The following MCMDC2 variants were observed in gnomAD, a reference collection of about 807,000 sequenced individuals.
MCMDC2 encodes the protein minichromosome maintenance domain containing 2.
A neutral mutation model predicts 75.8 loss-of-function variants in MCMDC2; 54 were observed. The ratio of observed to expected loss-of-function variants is 0.71; its 90% CI spans 0.57 to 0.89. The LOEUF (loss-of-function observed/expected upper bound fraction) is 0.89. Ranked by LOEUF, MCMDC2 falls within the 40% of genes least tolerant of loss-of-function variation. The probability of loss-of-function intolerance (pLI) is 0.00; values close to 1 mark genes in which losing one functional copy is unlikely to be tolerated. For missense variants in MCMDC2, 656 were observed against 780.4 expected (o/e 0.84, Z 1.90); for synonymous variants, 249 against 274.6 (o/e 0.91, Z 0.92).
Position 66,919,806 on chromosome 8 carries a change from C to T in MCMDC2, c.*637C>T, listed in dbSNP as rs988097129. On this transcript the variant is annotated 3_prime_UTR_variant, in exon 15 of 15. Transcript: ENST00000422365. Reference sequence around the variant, plus strand: ...AATACTTTACACGGAAACAAGGAGCCAATAACTTATAAATTGGCTCTCTAA... The same window carrying T: ...AATACTTTACACGGAAACAAGGAGCTAATAACTTATAAATTGGCTCTCTAA... 6.6e-6 allele frequency: 1 copy of T among 152,118 alleles called. No homozygotes were observed. The highest frequency in any genetic ancestry group is 1.5e-5 in the Non-Finnish European group (1 of 68,026). The allele number at this position is 152,118 out of a possible 1,614,324, so 9.4% of individuals were successfully genotyped here.
intron 9 of MCMDC2, among the ~76,000 whole-genome samples, chr8:66,888,614 A>G (rs1165601320): frequency 1.3e-5 from 2 of 152,206 alleles, no homozygotes; most frequent in African/African-American, 4.8e-5. Flanking sequence ...AATATTTGAT[A>G]TTTTTGATGC....
chr8:66,891,098 C>T (rs919224748), intron 10 of MCMDC2, 28 bp downstream of exon 10: 9 of 1,559,138 alleles, frequency 5.8e-6, no homozygotes, highest in East Asian at 2.3e-5. Context: ...AATTAATTTT[C>T]ACCCGTTTAA....
chr8:66,887,626 A>G (rs1811906950), intron 9 of MCMDC2, among the ~76,000 whole-genome samples: 2 of 152,156 alleles, frequency 1.3e-5, no homozygotes, highest in Admixed American at 6.5e-5. Flanking sequence ...TTCTAGAAGC[A>G]TTATAGTTTT....
chr8:66,877,341 C>G lies in MCMDC2; in HGVS notation c.286-8C>G. 1 of 1,565,618 alleles carries G rather than the reference C, an allele frequency of 6.4e-7. No homozygotes were observed. Among genetic ancestry groups the G allele is most frequent in the Non-Finnish European group, 8.7e-7 (1 of 1,149,384 alleles). On this transcript the variant is annotated splice_polypyrimidine_tract_variant and splice_region_variant and intron_variant, in intron 4 of 14. Transcript: ENST00000422365. ...TTTTCATTAATACCATTTTTATGTT[C>G]TTATTAGATTAATATAGTGCTGAAA... is the stretch of plus-strand genomic sequence containing the variant.
intron 9 of MCMDC2, among the ~76,000 whole-genome samples, chr8:66,890,347 T>C (rs2130821828): frequency 6.6e-6 from 1 of 152,284 alleles, no homozygotes; most frequent in South Asian, 2.1e-4. Context: ...ATTACAGTTG[T>C]AAGCCATTAC....
At chr8:66,903,750 G>A (rs928420373) in intron 13 of MCMDC2, among the ~76,000 whole-genome samples, 1 of 152,126 alleles carries the variant, frequency 6.6e-6, no homozygotes, top group African/African-American at 2.4e-5. Flanking sequence ...CTTTTCTAGA[G>A]AAGTGGAGCT....
chr8:66,893,156 C>G (rs1812191892), intron 10 of MCMDC2, among the ~76,000 whole-genome samples: 1 of 152,134 alleles, frequency 6.6e-6, no homozygotes, highest in South Asian at 2.1e-4. Context: ...TCTTGGCATA[C>G]CAGCATGAAT....
At chr8:66,873,302 A>G (rs1811113151) in intron 1 of MCMDC2, among the ~76,000 whole-genome samples, 1 of 152,174 alleles carries the variant, frequency 6.6e-6, no homozygotes, top group African/African-American at 2.4e-5. Flanking sequence ...ATAGATACTG[A>G]GCCAAGAGAG....
intron 9 of MCMDC2, among the ~76,000 whole-genome samples, chr8:66,885,187 G>C (rs556707309): frequency 6.6e-6 from 1 of 151,950 alleles, no homozygotes; most frequent in Admixed American, 6.6e-5. Context: ...CAAAAAATTA[G>C]CCAGGTGTGG....
chr8:66,916,763 G>T (rs1476347614), intron 14 of MCMDC2, among the ~76,000 whole-genome samples: 4 of 152,308 alleles, frequency 2.6e-5, no homozygotes, highest in Non-Finnish European at 4.4e-5. Context: ...ATAGGAGGTA[G>T]AGTAGGGGAG....
chr8:66,902,311 A>G (rs1812702464), intron 13 of MCMDC2, among the ~76,000 whole-genome samples: 1 of 151,822 alleles, frequency 6.6e-6, no homozygotes, highest in Non-Finnish European at 1.5e-5. Flanking sequence ...GGATTGCTTG[A>G]GCCCATCAAG....
At chr8:66,890,037 A>G (rs1216805111) in intron 9 of MCMDC2, among the ~76,000 whole-genome samples, 1 of 152,182 alleles carries the variant, frequency 6.6e-6, no homozygotes, top group Non-Finnish European at 1.5e-5. Flanking sequence ...ACTCCCTTCC[A>G]GGAAGAAATA....
Position 66,879,320 on chromosome 8 carries a change from C to T in MCMDC2, c.709+401C>T, listed in dbSNP as rs1220525605. On this transcript the variant is annotated intron_variant, in intron 7 of 14. Coordinates refer to ENST00000422365, the MANE Select transcript of MCMDC2 (RefSeq NM_173518.5). ...TAATAAATGAAAAGCTGGCCAGGCG[C>T]GGTGGCTCACACCTGTAATCCCAAC... 4.6e-5 allele frequency among the ~76,000 whole-genome samples: 7 copies of T among 151,878 alleles called. No individual in the cohort carries two copies. In the South Asian group the frequency reaches 6.2e-4, roughly 14 times the overall value.
At position 66,919,013 on chromosome 8, in the gene MCMDC2, A is replaced by G. The variant is rs555428254; in HGVS notation, c.1890A>G (p.Val630=). 7 of 1,526,310 alleles carry G rather than the reference A, an allele frequency of 4.6e-6. No homozygotes were observed. The African/African-American group carries it at 6.9e-5, about 15-fold the overall frequency. 94.5% of individuals were successfully genotyped at this position (1,526,310 alleles called of 1,614,324 possible). A position where few individuals can be genotyped will look rare whatever the true frequency, so the allele number is the denominator to read the frequency against. ...ATCTTCTTCATTTAGGGGCCACTGT[A>G]TTTTGTGTTGCTCCGAATGCAGTAT... ...TSLTLKYGAT[V]FCVAPNAVFP... is the part of the protein sequence containing the mutation. The change falls in exon 15 of 15, where the codon GTA becomes GTG. Residue 630 remains valine (V), a synonymous_variant. Transcript: ENST00000422365.
intron 14 of MCMDC2, among the ~76,000 whole-genome samples, chr8:66,913,133 G>A (rs772625614): frequency 3.9e-5 from 6 of 152,156 alleles, no homozygotes; most frequent in Non-Finnish European, 7.4e-5. Context: ...ATGGAGACAA[G>A]ACCTTCCACC....
chr8:66,871,552 A>G (rs1358505896), intron 1 of MCMDC2: 2 of 152,190 alleles, frequency 1.3e-5, no homozygotes, highest in Admixed American at 6.6e-5. Flanking sequence ...CCCAATAGGT[A>G]GAAACTGATT....
chr8:66,890,649 T>C (rs1227368410), intron 9 of MCMDC2, among the ~76,000 whole-genome samples: 2 of 152,146 alleles, frequency 1.3e-5, no homozygotes, highest in Non-Finnish European at 2.9e-5. Flanking sequence ...GCCTCCTGAG[T>C]AGCTGGGACT....
intron 13 of MCMDC2, chr8:66,901,614 C>A (rs1812663888): frequency 2.7e-6 from 3 of 1,121,092 alleles, no homozygotes; most frequent in Non-Finnish European, 3.3e-6. Context: ...GCACTGATTT[C>A]AAATGCAAAT....
chr8:66,917,570 G>A (rs908073072), intron 14 of MCMDC2, among the ~76,000 whole-genome samples: 3 of 151,890 alleles, frequency 2.0e-5, no homozygotes, highest in Non-Finnish European at 2.9e-5. Flanking sequence ...GTAATTCCTC[G>A]TTTCCTCCTC....
Sources: gnomAD v4.1 joint callset for allele counts (sites outside exome capture counted in the v4.1 genomes callset) on GRCh38, gnomAD v4.1.1 for gene constraint, MANE v1.5 for transcripts, NCBI Gene and HGNC (gene_info 2026-07-23, HGNC 2026-07-21) for gene names.